Variants in TMEM119 observed in about 807,000 individuals in gnomAD.
The protein encoded by TMEM119 is transmembrane protein 119.
For missense variants in TMEM119, 410 were observed against 381.0 expected (o/e 1.08, Z -0.63); for synonymous variants, 182 against 176.4 (o/e 1.03, Z -0.25).
rs748122455 is a variant in TMEM119, at chr12:108,591,898, G to A, written c.486C>T (p.Pro162=). The A allele has an allele frequency of 8.7e-6, 14 of 1,612,162 alleles. No individual in the cohort carries two copies. The highest frequency in any genetic ancestry group is 4.0e-5 in the African/African-American group (3 of 74,864). The change falls in exon 2 of 2, where the codon CCC becomes CCT. Residue 162 remains proline, a synonymous_variant. Transcript: ENST00000392806. The surrounding 1 kb of genome is among the most constrained non-coding windows in gnomAD (Gnocchi z 4.2). The part of the protein sequence containing the change: ...EVPDRAPDSR[P]EEALDSSRQL... Reference sequence around the variant, plus strand: ...GCCGGGAGGAATCCAGGGCTTCCTCGGGCCTGCTGTCGGGGGCTCTGTCGG... The same window carrying A: ...GCCGGGAGGAATCCAGGGCTTCCTCAGGCCTGCTGTCGGGGGCTCTGTCGG...
chr12:108,596,277 G>A (rs73191227), intron 1 of TMEM119, among the ~76,000 whole-genome samples: 10,268 of 152,126 alleles, frequency 0.067, 561 homozygotes, highest in East Asian at 0.26. Flanking sequence ...TGTCTGGTCC[G>A]GCCGCCACCC....
intron 1 of TMEM119, among the ~76,000 whole-genome samples, chr12:108,595,020 A>G (rs1455100498): frequency 6.6e-6 from 1 of 152,036 alleles, no homozygotes; most frequent in Non-Finnish European, 1.5e-5. Flanking sequence ...CTTTAATCCT[A>G]CAGGAGCCCT....
At chr12:108,593,195 G>A (rs2031449167) in intron 1 of TMEM119, among the ~76,000 whole-genome samples, 1 of 152,114 alleles carries the variant, frequency 6.6e-6, no homozygotes, top group Non-Finnish European at 1.5e-5. Context: ...TGTAATCCCA[G>A]CACTTTGGGA....
At position 108,592,982 on chromosome 12, in the gene TMEM119, C is replaced by T. The variant is rs1311821382; in HGVS notation, c.-14-585G>A. ...TGAGTGACACCTCACCCCCTACCCA[C>T]AACTCTGGGACCCTTCCCTTCAGTC... On this transcript the variant is annotated intron_variant, in intron 1 of 1. Coordinates refer to ENST00000392806, the MANE Select transcript of TMEM119 (RefSeq NM_181724.3). This position sits in a 1 kb window ranked among gnomAD's most constrained non-coding sequence, Gnocchi z 4.3. Among the ~76,000 whole-genome samples the T allele has an allele frequency of 6.6e-6, 1 of 151,680 alleles. No individual in the cohort carries two copies. Among genetic ancestry groups the T allele is most frequent in the African/African-American group, 2.4e-5 (1 of 41,242 alleles).
chr12:108,593,170 G>T (rs987912338), intron 1 of TMEM119, among the ~76,000 whole-genome samples: 2 of 152,222 alleles, frequency 1.3e-5, no homozygotes, highest in Non-Finnish European at 2.9e-5. Context: ...CAGGGCAGGC[G>T]CAGTGGCTCA....
chr12:108,591,353 TCCGGGGCA>T lies in TMEM119; in HGVS notation c.*171_*178del. ...GGATGATGGCACTTGGTAAGATTCC[TCCGGGGCA>T]CCGGGGACCAGCATTTCTGCCTGCT... On this transcript the variant is annotated 3_prime_UTR_variant, in exon 2 of 2. Coordinates refer to ENST00000392806, the MANE Select transcript of TMEM119 (RefSeq NM_181724.3). The surrounding 1 kb of genome is among the most constrained non-coding windows in gnomAD (Gnocchi z 4.2). 1 of 708,754 alleles carries T rather than the reference TCCGGGGCA, an allele frequency of 1.4e-6. No homozygotes were observed. The highest frequency in any genetic ancestry group is 2.2e-6 in the Non-Finnish European group (1 of 447,894). 43.9% of individuals were successfully genotyped at this position (708,754 alleles called of 1,614,324 possible).
chr12:108,593,312 C>T (rs1042311011), intron 1 of TMEM119, among the ~76,000 whole-genome samples: 3 of 152,092 alleles, frequency 2.0e-5, no homozygotes, highest in Non-Finnish European at 4.4e-5. Flanking sequence ...GGCATGGTGT[C>T]GTGCCCCTGT....
In TMEM119 at chr12:108,591,805, ACCGCC is replaced by A; in HGVS notation, c.574_578del (p.Gly192TrpfsTer48). On this transcript the variant is annotated frameshift_variant, in exon 2 of 2. Coordinates refer to ENST00000392806, the MANE Select transcript of TMEM119 (RefSeq NM_181724.3). LOFTEE classifies it low-confidence loss of function (END_TRUNC). The surrounding 1 kb of genome is among the most constrained non-coding windows in gnomAD (Gnocchi z 4.2). ...CCTCCACCATCCTGGCTCCGTCCCC[ACCGCC>A]CAGTGCAGCCCTGGTGGGGGACTTG... The A allele has an allele frequency of 6.3e-7, 1 of 1,590,890 alleles. No individual in the cohort carries two copies. The highest frequency in any genetic ancestry group is 8.6e-7 in the Non-Finnish European group (1 of 1,168,658).
chr12:108,595,525 CCA>C (rs2136744175), intron 1 of TMEM119, among the ~76,000 whole-genome samples: 1 of 151,052 alleles, frequency 6.6e-6, no homozygotes, highest in African/African-American at 2.4e-5. Context: ...CATATACACC[CCA>C]CACACAACCA....
rs542172855 is a variant in TMEM119 at position 108,592,376 on chromosome 12, G to A, written c.8C>T (p.Ser3Leu). 3.5e-5 allele frequency: 55 copies of A among 1,555,520 alleles called. No individual in the cohort carries two copies. Among genetic ancestry groups the A allele is most frequent in the African/African-American group, 3.5e-4 (26 of 73,744 alleles). Residue 3 changes from serine (S) to leucine (L), a missense_variant, in exon 2 of 2, where the codon TCG (serine) becomes TTG (leucine). Coordinates refer to ENST00000392806, the MANE Select transcript of TMEM119 (RefSeq NM_181724.3). The surrounding 1 kb of genome is among the most constrained non-coding windows in gnomAD (Gnocchi z 4.3). ...GATGAGGAGGCTGGGGGCTGCCGCC[G>A]AAACCATGGTGCCCCCAGGACCTGT... Reference protein sequence around the residue: MVSAAAPSLLILL... With the variant: MVLAAAPSLLILL...
intron 1 of TMEM119, among the ~76,000 whole-genome samples, chr12:108,596,593 C>A (rs2031508905): frequency 6.6e-6 from 1 of 152,236 alleles, no homozygotes; most frequent in South Asian, 2.1e-4. Context: ...GTATGGAGGA[C>A]CCAGCCCCAC....
rs2031502082 is a variant in TMEM119, at chr12:108,596,253, G to A, written c.-15+1717C>T. Among the ~76,000 whole-genome samples the A allele has an allele frequency of 3.3e-5, 5 of 152,110 alleles. No individual in the cohort carries two copies. The South Asian group carries it at 6.2e-4, about 19-fold the overall frequency. On this transcript the variant is annotated intron_variant, in intron 1 of 1. Coordinates refer to ENST00000392806, the MANE Select transcript of TMEM119 (RefSeq NM_181724.3). The stretch of plus-strand genomic sequence containing the variant: ...ACAAATGAGCACCATCGCCGGATGG[G>A]AACATGCGCTCACTGTCTGGTCCGG...
rs117752186 is a variant in TMEM119 at position 108,591,052 on chromosome 12, G to A, written c.*480C>T. On this transcript the variant is annotated 3_prime_UTR_variant, in exon 2 of 2. Transcript: ENST00000392806. The surrounding 1 kb of genome is among the most constrained non-coding windows in gnomAD (Gnocchi z 4.2). ...GTGATGTTTGCCCCACAAATGACCT[G>A]TGACATATGATTCCCAATTAATGTG... 1.5e-3 allele frequency: 237 copies of A among 153,540 alleles called. No individual in the cohort carries two copies. The highest frequency in any genetic ancestry group is 3.0e-3 in the Admixed American group (46 of 15,340). The allele number at this position is 153,540 out of a possible 1,614,324, so 9.5% of individuals were successfully genotyped here. A position where few individuals can be genotyped will look rare whatever the true frequency, so the allele number is the denominator to read the frequency against.
In TMEM119 at chr12:108,592,911, T is replaced by C. The variant is rs1291094584; in HGVS notation, c.-14-514A>G. On this transcript the variant is annotated intron_variant, in intron 1 of 1. Coordinates refer to ENST00000392806, the MANE Select transcript of TMEM119 (RefSeq NM_181724.3). This position sits in a 1 kb window ranked among gnomAD's most constrained non-coding sequence, Gnocchi z 4.3. The stretch of plus-strand genomic sequence containing the variant: ...GATCCAAGCAGAGAGGGAGAAATGA[T>C]AGTAGGGCTGAGTAAGTGAGAAACC... Among the ~76,000 whole-genome samples, 1 of 151,568 alleles carries C rather than the reference T, an allele frequency of 6.6e-6. No homozygotes were observed. Among genetic ancestry groups the C allele is most frequent in the Non-Finnish European group, 1.5e-5 (1 of 67,924 alleles).
rs776658878 is a variant in TMEM119 at position 108,591,992 on chromosome 12, G to T, written c.392C>A (p.Ser131Tyr). ...KQKASAYYPS[S>Y]FPKKKYVDQS... ...GTCCACGTACTTCTTCTTGGGGAAG[G>T]ACGATGGGTAATAGGCCGAGGCCTT... The change falls in exon 2 of 2, where the codon TCC (serine) becomes TAC (tyrosine). Residue 131 changes from serine to tyrosine, a missense_variant. Physicochemically the swap from Ser to Tyr is moderately radical, Grantham distance 144. Transcript: ENST00000392806. The surrounding 1 kb of genome is among the most constrained non-coding windows in gnomAD (Gnocchi z 4.2). 1 of 1,613,728 alleles carries T rather than the reference G, an allele frequency of 6.2e-7. No homozygotes were observed. Among genetic ancestry groups the T allele is most frequent in the Admixed American group, 1.7e-5 (1 of 59,958 alleles).
chr12:108,591,185 A>C lies in TMEM119; in HGVS notation c.*347T>G. ...AGTGATGTCCGCACTTGGCCTCCCAAAATGCTGAGATTACAGGTGTGAGCC... is the reference window on the plus strand; with the variant it reads ...AGTGATGTCCGCACTTGGCCTCCCACAATGCTGAGATTACAGGTGTGAGCC... On this transcript the variant is annotated 3_prime_UTR_variant, in exon 2 of 2. Transcript: ENST00000392806. The surrounding 1 kb of genome is among the most constrained non-coding windows in gnomAD (Gnocchi z 4.2). 4.5e-6 allele frequency: 1 copy of C among 220,112 alleles called. No homozygotes were observed. The highest frequency in any genetic ancestry group is 8.8e-6 in the Non-Finnish European group (1 of 113,204). The allele number at this position is 220,112 out of a possible 1,614,324, so 13.6% of individuals were successfully genotyped here.
Position 108,591,692 on chromosome 12 carries a change from G to C in TMEM119, c.692C>G (p.Ala231Gly). The C allele has an allele frequency of 6.2e-7, 1 of 1,613,618 alleles. No individual in the cohort carries two copies. The highest frequency in any genetic ancestry group is 8.5e-7 in the Non-Finnish European group (1 of 1,179,820). The change falls in exon 2 of 2, where the codon GCG (alanine) becomes GGG (glycine). Residue 231 changes from alanine (A) to glycine (G), a missense_variant. Physicochemically the swap from Ala to Gly is moderately conservative, Grantham distance 60. Coordinates refer to ENST00000392806, the MANE Select transcript of TMEM119 (RefSeq NM_181724.3). The surrounding 1 kb of genome is among the most constrained non-coding windows in gnomAD (Gnocchi z 4.2). ...GACCCCTGAGCACGGCTCCTCCTGC[G>C]CCTCTGGTGTCTCCACTGGGACCCC... ...GHGVPVETPE[A>G]QEEPCSGVLE...
At position 108,592,178 on chromosome 12, in the gene TMEM119, G is replaced by T. The variant is rs775233583; in HGVS notation, c.206C>A (p.Pro69His). Residue 69 changes from proline to histidine, a missense_variant, in exon 2 of 2, where the codon CCC becomes CAC. Physicochemically the swap from Pro to His is moderately conservative, Grantham distance 77. Coordinates refer to ENST00000392806, the MANE Select transcript of TMEM119 (RefSeq NM_181724.3). This position sits in a 1 kb window ranked among gnomAD's most constrained non-coding sequence, Gnocchi z 4.3. ...TGGGCCCCCCAGGGTTATGGGCTGG[G>T]GCCCCATCGATGTGGGGCTGAGGGC... ...TPALSPTSMG[P>H]QPITLGGPSP... is the part of the protein sequence containing the mutation. 9 of 1,613,774 alleles carry T rather than the reference G, an allele frequency of 5.6e-6. No individual in the cohort carries two copies. The Admixed American group carries it at 1.3e-4, about 24-fold the overall frequency.
intron 1 of TMEM119, among the ~76,000 whole-genome samples, chr12:108,595,733 C>T (rs1031328050): frequency 2.0e-5 from 3 of 152,170 alleles, no homozygotes; most frequent in South Asian, 2.1e-4. Flanking sequence ...GGCTTGTTCC[C>T]GCTGGTGGAC....
Sources: gnomAD v4.1 joint callset for allele counts (sites outside exome capture counted in the v4.1 genomes callset) on GRCh38, gnomAD v4.1.1 for gene constraint, Gnocchi (gnomAD v3.1) non-coding constraint, MANE v1.5 for transcripts, NCBI Gene and HGNC (gene_info 2026-07-23, HGNC 2026-07-21) for gene names.